The following ZMAT4 variants were observed in gnomAD, a reference collection of about 807,000 sequenced individuals.
The protein encoded by ZMAT4 is zinc finger matrin-type 4.
ZMAT4 carries 17 observed loss-of-function variants against 28.7 expected under a neutral mutation model. The observed-to-expected ratio is 0.59, with a 90% confidence interval of 0.41 to 0.89. The LOEUF is 0.89. Among genes scored for constraint, ZMAT4 ranks in the 40% least tolerant of loss-of-function variants. The pLI is 0.00. For missense variants in ZMAT4, 240 were observed against 283.8 expected, an observed-to-expected ratio of 0.85 and a Z score of 1.11; for synonymous variants, 117 against 109.2, an observed-to-expected ratio of 1.07 and a Z score of -0.44.
rs145022786 is a variant in ZMAT4, at chr8:40,558,120, C to T, written c.674+23045G>A. Reference sequence around the variant, plus strand: ...GCTACCTGAAAATCAGAAAGAAGGCCGGCCAGGCTGCCATGGGTGTGGTGG... The same window carrying T: ...GCTACCTGAAAATCAGAAAGAAGGCTGGCCAGGCTGCCATGGGTGTGGTGG... On this transcript the variant is annotated intron_variant, in intron 6 of 6. Transcript: ENST00000297737. Among the ~76,000 whole-genome samples, 476 of 152,144 alleles carry T rather than the reference C, an allele frequency of 3.1e-3. 4 individuals carry two copies. The highest frequency in any genetic ancestry group is 0.01 in the African/African-American group (420 of 41,490).
intron 1 of ZMAT4, among the ~76,000 whole-genome samples, chr8:40,871,595 A>G (rs1817858333): frequency 6.6e-6 from 1 of 152,200 alleles, no homozygotes; most frequent in East Asian, 1.9e-4. Flanking sequence ...AAGGCAGGGA[A>G]AAAAGAGATT....
At chr8:40,750,439 GGACAAAGGA>G (rs1812411219) in intron 3 of ZMAT4, among the ~76,000 whole-genome samples, 4 of 152,060 alleles carry the variant, frequency 2.6e-5, no homozygotes, top group African/African-American at 9.7e-5. Context: ...GTGCTATGTA[GGACAAAGGA>G]AGGCAAAGAG....
chr8:40,573,173 C>A (rs1804153583), intron 6 of ZMAT4, among the ~76,000 whole-genome samples: 1 of 152,164 alleles, frequency 6.6e-6, no homozygotes, highest in Non-Finnish European at 1.5e-5. Context: ...ATCACCAGGG[C>A]AGGCATTGTA....
chr8:40,640,608 G>A (rs1334661442), intron 5 of ZMAT4, among the ~76,000 whole-genome samples: 2 of 143,810 alleles, frequency 1.4e-5, no homozygotes, highest in Admixed American at 7.1e-5. Flanking sequence ...GAAGATCTTG[G>A]GATAGTTCCA....
At chr8:40,830,686 G>A (rs1331040428) in intron 1 of ZMAT4, among the ~76,000 whole-genome samples, 1 of 152,172 alleles carries the variant, frequency 6.6e-6, no homozygotes, top group African/African-American at 2.4e-5. Context: ...GGAAACAAAA[G>A]CATTATGTTA....
At chr8:40,612,006 G>T (rs144727576) in intron 5 of ZMAT4, among the ~76,000 whole-genome samples, 3 of 152,166 alleles carry the variant, frequency 2.0e-5, no homozygotes, top group Non-Finnish European at 4.4e-5. Flanking sequence ...GCACATGGGA[G>T]GAGCATGGGC....
chr8:40,780,868 T>C (rs948397352), intron 2 of ZMAT4, among the ~76,000 whole-genome samples: 4 of 152,064 alleles, frequency 2.6e-5, no homozygotes, highest in African/African-American at 7.2e-5. Context: ...ACTCAACAAC[T>C]AGGAATAGCA....
intron 5 of ZMAT4, among the ~76,000 whole-genome samples, chr8:40,637,651 G>A (rs1271391927): frequency 1.3e-5 from 2 of 152,156 alleles, no homozygotes; most frequent in Non-Finnish European, 2.9e-5. Flanking sequence ...GAGGCACTAA[G>A]GCAATTCAGA....
chr8:40,861,491 T>A (rs1817491070), intron 1 of ZMAT4, among the ~76,000 whole-genome samples: 1 of 152,208 alleles, frequency 6.6e-6, no homozygotes, highest in Non-Finnish European at 1.5e-5. Flanking sequence ...ACCTAGGCAG[T>A]ACCATTCAGG....
chr8:40,674,656 T>C (rs772566815), intron 5 of ZMAT4, 48 bp downstream of exon 5: 13 of 1,489,870 alleles, frequency 8.7e-6, no homozygotes, highest in Admixed American at 1.7e-5. Context: ...CCGCATCTTT[T>C]CTCTGAAAGC....
At chr8:40,849,672 A>T (rs1010991124) in intron 1 of ZMAT4, among the ~76,000 whole-genome samples, 5 of 152,178 alleles carry the variant, frequency 3.3e-5, no homozygotes, top group African/African-American at 4.8e-5. Flanking sequence ...CTCCATGTCC[A>T]CAGCACCAAG....
intron 6 of ZMAT4, among the ~76,000 whole-genome samples, chr8:40,549,064 C>T (rs1212394429): frequency 6.6e-6 from 1 of 152,052 alleles, no homozygotes; most frequent in East Asian, 1.9e-4. Flanking sequence ...GGCCTCCACC[C>T]TCATGAATAT....
chr8:40,826,315 CAA>C (rs1485809002), intron 1 of ZMAT4, among the ~76,000 whole-genome samples: 1 of 151,988 alleles, frequency 6.6e-6, no homozygotes, highest in Non-Finnish European at 1.5e-5. Flanking sequence ...TTACCATTAA[CAA>C]AAGAGATTTT....
In ZMAT4 at chr8:40,850,256, G is replaced by A. The variant is rs768958575; in HGVS notation, c.-4-24576C>T. ...ATGAAAATAAACTCCAAGGCCCTCC[G>A]CTGGCCTGTGAGCCCCACCCAATCT... On this transcript the variant is annotated intron_variant, in intron 1 of 6. Transcript: ENST00000297737. Among the ~76,000 whole-genome samples, 9 of 152,072 alleles carry A rather than the reference G, an allele frequency of 5.9e-5. No homozygotes were observed. The South Asian group carries it at 6.2e-4, about 11-fold the overall frequency.
At chr8:40,610,290 A>C (rs943111275) in intron 5 of ZMAT4, among the ~76,000 whole-genome samples, 3 of 152,216 alleles carry the variant, frequency 2.0e-5, no homozygotes, top group Non-Finnish European at 4.4e-5. Context: ...TTTTGTATGC[A>C]CAAAGAACAC....
intron 6 of ZMAT4, among the ~76,000 whole-genome samples, chr8:40,575,028 C>T (rs1804216063): frequency 6.6e-6 from 1 of 152,144 alleles, no homozygotes; most frequent in South Asian, 2.1e-4. Context: ...AGCCACTGTG[C>T]CTTTCTAGAC....
intron 2 of ZMAT4, among the ~76,000 whole-genome samples, chr8:40,811,358 G>T (rs1815306566): frequency 6.6e-6 from 1 of 152,200 alleles, no homozygotes; most frequent in Admixed American, 6.5e-5. Context: ...GGGGATACAT[G>T]ATCTGTGCAA....
intron 4 of ZMAT4, among the ~76,000 whole-genome samples, chr8:40,693,808 C>T (rs767815295): frequency 1.3e-5 from 2 of 152,188 alleles, no homozygotes; most frequent in Admixed American, 6.5e-5. Flanking sequence ...CAAGTTGCAA[C>T]TCATTCTGCA....
chr8:40,837,871 T>G (rs1816553979), intron 1 of ZMAT4, among the ~76,000 whole-genome samples: 2 of 152,196 alleles, frequency 1.3e-5, no homozygotes, highest in South Asian at 4.1e-4. Flanking sequence ...CAGGTACCAG[T>G]GGCACCTGCC....
Sources: gnomAD v4.1 joint callset for allele counts (sites outside exome capture counted in the v4.1 genomes callset) on GRCh38, gnomAD v4.1.1 for gene constraint, MANE v1.5 for transcripts, NCBI Gene and HGNC (gene_info 2026-07-23, HGNC 2026-07-21) for gene names.